The following PPP1R12A variants were observed in gnomAD, a reference collection of about 807,000 sequenced individuals.
PPP1R12A encodes the protein myosin binding subunit.
PPP1R12A carries 19 observed loss-of-function variants against 139.6 expected under a neutral mutation model. The ratio of observed to expected loss-of-function variants is 0.14; its 90% CI spans 0.09 to 0.20. The LOEUF (loss-of-function observed/expected upper bound fraction) is 0.20. PPP1R12A is among the 10% of genes least tolerant of loss of function. PPP1R12A has a pLI of 1.00. For synonymous variants in PPP1R12A, 427 were observed against 420.6 expected, an observed-to-expected ratio of 1.02 and a Z score of -0.19; for missense variants, 925 against 1,211.5, an observed-to-expected ratio of 0.76 and a Z score of 3.51.
intron 1 of PPP1R12A, among the ~76,000 whole-genome samples, chr12:79,933,365 A>T (rs574252761): frequency 2.0e-5 from 3 of 152,352 alleles, no homozygotes; most frequent in African/African-American, 7.2e-5. Context: ...AGTAAGCAGG[A>T]CAAGGAAAAA....
At chr12:79,889,893 G>C (rs1254291161) in intron 1 of PPP1R12A, among the ~76,000 whole-genome samples, 1 of 152,136 alleles carries the variant, frequency 6.6e-6, no homozygotes, top group Non-Finnish European at 1.5e-5. Context: ...TATGGTGGAA[G>C]GGCAAGCAGC....
At chr12:79,820,635 C>A (rs759601971) in intron 8 of PPP1R12A, 139 bp downstream of exon 8, 11 of 809,252 alleles carry the variant, frequency 1.4e-5, no homozygotes, top group Non-Finnish European at 2.1e-5. Context: ...CTAGCATTCA[C>A]TGAAAGATAA....
Position 79,812,382 on chromosome 12 carries a change from C to CTGTGTGCGCGTG in PPP1R12A, c.1240-2373_1240-2372insCACGCGCACACA, listed in dbSNP as rs370114772. Among the ~76,000 whole-genome samples, 57 of 112,952 alleles carry CTGTGTGCGCGTG rather than the reference C, an allele frequency of 5.0e-4. 1 individual carries two copies. The highest frequency in any genetic ancestry group is 1.5e-3 in the Admixed American group (18 of 12,226). 74.1% of individuals were successfully genotyped at this position (112,952 alleles called of 152,430 possible). On this transcript the variant is annotated intron_variant, in intron 9 of 24. Transcript: ENST00000450142. ...TGACCATTCCTTTTCTTGACTGACT[C>CTGTGTGCGCGTG]TGTGTGTGCGTGTGTGTGTGTGTGT...
chr12:79,807,325 G>A lies in PPP1R12A; in HGVS notation c.1556C>T (p.Ser519Phe). Residue 519 changes from serine to phenylalanine, a missense_variant, in exon 12 of 25, where the codon TCT becomes TTT. Physicochemically the swap from Ser to Phe is radical, Grantham distance 155. Transcript: ENST00000450142. Reference sequence around the variant, plus strand: ...TGAACTACTTGTTCGCAAACTTGAAGAATCTCTGTTAAAAGAACACCCTTC... The same window carrying A: ...TGAACTACTTGTTCGCAAACTTGAAAAATCTCTGTTAAAAGAACACCCTTC... ...SDIEEKENRDSSSLRTSSSYT... is the reference protein window; with the variant it reads ...SDIEEKENRDFSSLRTSSSYT... The A allele has an allele frequency of 6.5e-7, 1 of 1,539,834 alleles. No homozygotes were observed. Among genetic ancestry groups the A allele is most frequent in the Non-Finnish European group, 8.8e-7 (1 of 1,137,424 alleles).
chr12:79,883,756 A>G (rs1592766463), intron 1 of PPP1R12A, among the ~76,000 whole-genome samples: 1 of 151,150 alleles, frequency 6.6e-6, no homozygotes. Flanking sequence ...GTGATTTTGA[A>G]AACAGTAAGG....
At chr12:79,778,217 A>C (rs1412691734) in intron 24 of PPP1R12A, 1 of 138,240 alleles carries the variant, frequency 7.2e-6, no homozygotes, top group Non-Finnish European at 1.4e-5. Context: ...CATAAAGAAT[A>C]AATAATAAAT....
chr12:79,877,589 C>A (rs1340397744), intron 1 of PPP1R12A, among the ~76,000 whole-genome samples: 1 of 152,214 alleles, frequency 6.6e-6, no homozygotes, highest in Non-Finnish European at 1.5e-5. Flanking sequence ...AATCTCGGCT[C>A]AATGCAACCT....
At chr12:79,784,927 C>T (rs546729042) in intron 22 of PPP1R12A, among the ~76,000 whole-genome samples, 18 of 152,166 alleles carry the variant, frequency 1.2e-4, no homozygotes, top group Non-Finnish European at 2.4e-4. Flanking sequence ...GCGTGAGCCA[C>T]CGCGCCTGGC....
At position 79,934,850 on chromosome 12, in the gene PPP1R12A, C is replaced by A; in HGVS notation, c.82G>T (p.Val28Leu). 1 of 1,612,008 alleles carries A rather than the reference C, an allele frequency of 6.2e-7. No individual in the cohort carries two copies. Among genetic ancestry groups the A allele is most frequent in the Non-Finnish European group, 8.5e-7 (1 of 1,179,184 alleles). ...IGSETDLEPP[V>L]VKRQKTKVKF... ...ACCTTGGTCTTCTGGCGCTTCACCA[C>A]CGGAGGCTCGAGGTCCGTCTCGGAG... The change falls in exon 1 of 25, where the codon GTG (valine) becomes TTG (leucine). Residue 28 changes from valine to leucine, a missense_variant. By Grantham distance (32) the Val-to-Leu change is conservative. Coordinates refer to ENST00000450142, the MANE Select transcript of PPP1R12A (RefSeq NM_002480.3).
intron 1 of PPP1R12A, among the ~76,000 whole-genome samples, chr12:79,930,131 A>T (rs372610998): frequency 6.6e-6 from 1 of 152,222 alleles, no homozygotes; most frequent in African/African-American, 2.4e-5. Flanking sequence ...TATAAGGTAC[A>T]GTGAACACCC....
chr12:79,858,868 C>A (rs1301251895), intron 2 of PPP1R12A, among the ~76,000 whole-genome samples: 2 of 152,146 alleles, frequency 1.3e-5, no homozygotes, highest in Admixed American at 6.5e-5. Context: ...CTGTAGGCCA[C>A]CAGAACTCTG....
intron 19 of PPP1R12A, 83 bp downstream of exon 19, chr12:79,793,780 T>C: frequency 9.2e-7 from 1 of 1,086,602 alleles, no homozygotes; most frequent in South Asian, 1.4e-5. Flanking sequence ...CTGCTTTGCA[T>C]GAATAAACAT....
intron 19 of PPP1R12A, 130 bp downstream of exon 19, chr12:79,793,733 T>C: frequency 1.6e-6 from 1 of 636,514 alleles, no homozygotes; most frequent in East Asian, 3.2e-5. Context: ...CAAACACTGA[T>C]ATTGCATACC....
chr12:79,837,221 T>A (rs1457003199), intron 3 of PPP1R12A, among the ~76,000 whole-genome samples: 1 of 152,130 alleles, frequency 6.6e-6, no homozygotes, highest in African/African-American at 2.4e-5. Flanking sequence ...AACAAAGTGA[T>A]TAGACTAACA....
chr12:79,849,201 T>A (rs535729590), intron 2 of PPP1R12A, among the ~76,000 whole-genome samples: 10 of 152,054 alleles, frequency 6.6e-5, no homozygotes, highest in Non-Finnish European at 1.0e-4. Flanking sequence ...CTGGCCAACA[T>A]AGCAAAACCC....
intron 2 of PPP1R12A, among the ~76,000 whole-genome samples, chr12:79,870,490 G>C (rs1882460697): frequency 6.6e-6 from 1 of 152,176 alleles, no homozygotes; most frequent in Admixed American, 6.5e-5. Context: ...GTATATGCTA[G>C]AGTTAAACTG....
chr12:79,897,974 G>C (rs917981888), intron 1 of PPP1R12A, among the ~76,000 whole-genome samples: 1 of 152,158 alleles, frequency 6.6e-6, no homozygotes, highest in Non-Finnish European at 1.5e-5. Context: ...TAGAAACTAT[G>C]TGGATTTGGT....
At chr12:79,929,470 T>C (rs755182736) in intron 1 of PPP1R12A, among the ~76,000 whole-genome samples, 6 of 152,290 alleles carry the variant, frequency 3.9e-5, no homozygotes, top group African/African-American at 7.2e-5. Context: ...GAGGTCGATA[T>C]TAAGAATTTT....
chr12:79,794,098 T>C (rs765549021), intron 18 of PPP1R12A, among the ~76,000 whole-genome samples, 170 bp from the exon 19 acceptor site: 60 of 152,184 alleles, frequency 3.9e-4, no homozygotes, highest in South Asian at 6.2e-4. Flanking sequence ...AGTTGGGAGA[T>C]GGAGTGGGAA....
Sources: gnomAD v4.1 joint callset for allele counts (sites outside exome capture counted in the v4.1 genomes callset) on GRCh38, gnomAD v4.1.1 for gene constraint, MANE v1.5 for transcripts, NCBI Gene and HGNC (gene_info 2026-07-23, HGNC 2026-07-21) for gene names.